ARID1B: variants seen among roughly 807,000 people sequenced by gnomAD.
ARID1B encodes the protein AT-rich interactive domain-containing protein 1B.
A neutral mutation model predicts 212.3 loss-of-function variants in ARID1B; 30 were observed. The observed-to-expected ratio is 0.14, with a 90% confidence interval of 0.11 to 0.19. The LOEUF (loss-of-function observed/expected upper bound fraction) is 0.19, where lower values mean the gene tolerates loss of function less well. ARID1B is among the 10% of genes least tolerant of loss of function. ARID1B has a pLI of 1.00. For missense variants in ARID1B, 2,891 were observed against 3,204.0 expected (o/e 0.90, Z 2.36); for synonymous variants, 1,402 against 1,301.7 (o/e 1.08, Z -1.66).
At chr6:156,919,024 A>G (rs147071011) in intron 3 of ARID1B, among the ~76,000 whole-genome samples, 116 of 152,368 alleles carry the variant, frequency 7.6e-4, no homozygotes, top group African/African-American at 2.7e-3. Context: ...CTTAAAATAA[A>G]AAAAGTAGAA....
rs566840313 is a variant in ARID1B at position 157,111,419 on chromosome 6, C to T, written c.2581+858C>T. 3 of 152,362 alleles carry T rather than the reference C, an allele frequency of 2.0e-5. No individual in the cohort carries two copies. In the South Asian group the frequency reaches 6.2e-4, roughly 32 times the overall value. 9.4% of individuals were successfully genotyped at this position (152,362 alleles called of 1,614,324 possible). On this transcript the variant is annotated intron_variant, in intron 6 of 19. Transcript: ENST00000636930. ...CCTGGTGCGGTGGCAGGTCACTTCC[C>T]TTGCTGTGGGGCAAGGCTTGTCTGC... is the stretch of plus-strand genomic sequence containing the variant.
At chr6:157,145,146 GGTGGT>G (rs1293034121) in intron 7 of ARID1B, among the ~76,000 whole-genome samples, 4 of 152,132 alleles carry the variant, frequency 2.6e-5, no homozygotes, top group Non-Finnish European at 5.9e-5. Flanking sequence ...CAGCCTTCCA[GGTGGT>G]GTTCGGGACT....
chr6:156,847,822 G>A (rs905142122), intron 2 of ARID1B, among the ~76,000 whole-genome samples: 2 of 152,066 alleles, frequency 1.3e-5, no homozygotes, highest in African/African-American at 2.4e-5. Context: ...CTGTAGACCC[G>A]GCTCTCTGCA....
chr6:156,877,074 A>G (rs866374567), intron 2 of ARID1B, among the ~76,000 whole-genome samples: 2 of 152,056 alleles, frequency 1.3e-5, no homozygotes, highest in South Asian at 2.1e-4. Context: ...TTTCTGGCCA[A>G]TATACTCTCA....
chr6:157,120,981 T>C (rs1418760136), intron 6 of ARID1B, among the ~76,000 whole-genome samples: 1 of 152,228 alleles, frequency 6.6e-6, no homozygotes, highest in African/African-American at 2.4e-5. Context: ...GTAGGATGAA[T>C]GGTGACTTGG....
Position 157,166,960 on chromosome 6 carries a change from T to C in ARID1B, c.3090-80T>C. ...TAGCCCCACCCCTTACATAAATGCA[T>C]TAGTAGAAATGACTGCCAGGGCAAA... On this transcript the variant is annotated intron_variant, in intron 8 of 19. Transcript: ENST00000636930. The C allele has an allele frequency of 2.6e-6, 4 of 1,535,752 alleles. No individual in the cohort carries two copies. In the South Asian group the frequency reaches 4.9e-5, roughly 19 times the overall value.
intron 1 of ARID1B, among the ~76,000 whole-genome samples, chr6:156,824,916 G>A (rs1782637218): frequency 6.6e-6 from 1 of 151,270 alleles, no homozygotes; most frequent in African/African-American, 2.4e-5. Context: ...AGGGTGGAGT[G>A]TGCAGTGGCA....
intron 4 of ARID1B, among the ~76,000 whole-genome samples, chr6:157,039,682 CTTCCTTCCTTCCTTCT>C (rs1781650177): frequency 2.6e-5 from 2 of 75,488 alleles, no homozygotes; most frequent in Non-Finnish European, 5.7e-5. Context: ...TCCTTCCTTC[CTTCCTTCCTTCCTTCT>C]TTCTTTCCTT....
chr6:156,889,160 T>C (rs1787739711), intron 2 of ARID1B, among the ~76,000 whole-genome samples: 1 of 152,238 alleles, frequency 6.6e-6, no homozygotes, highest in Admixed American at 6.5e-5. Context: ...TAGGCAACCC[T>C]CCTACCATAC....
At chr6:156,874,452 A>G (rs1467510787) in intron 2 of ARID1B, among the ~76,000 whole-genome samples, 1 of 152,284 alleles carries the variant, frequency 6.6e-6, no homozygotes, top group African/African-American at 2.4e-5. Context: ...ATGCTGTGGG[A>G]ATCTCTCACC....
At chr6:157,186,477 A>G (rs1405369414) in intron 13 of ARID1B, 1 of 471,144 alleles carries the variant, frequency 2.1e-6, no homozygotes. Context: ...TGGGGGTCGC[A>G]GGCAGAGGCA....
chr6:156,916,933 C>G (rs1237927620), intron 3 of ARID1B, among the ~76,000 whole-genome samples: 1 of 152,142 alleles, frequency 6.6e-6, no homozygotes, highest in Non-Finnish European at 1.5e-5. Flanking sequence ...AAGAGAGTTG[C>G]CTGGCCGCAG....
At chr6:156,921,582 T>C (rs1018338462) in intron 3 of ARID1B, among the ~76,000 whole-genome samples, 2 of 152,052 alleles carry the variant, frequency 1.3e-5, no homozygotes, top group African/African-American at 4.8e-5. Context: ...TCGTAGAAGA[T>C]TGGTAAAGTT....
At chr6:156,913,645 A>G (rs1450376452) in intron 3 of ARID1B, among the ~76,000 whole-genome samples, 2 of 149,914 alleles carry the variant, frequency 1.3e-5, no homozygotes, top group African/African-American at 2.5e-5. Flanking sequence ...CTTCCAGCCC[A>G]CCCCAGCCCG....
chr6:157,142,182 A>C (rs1360182852), intron 7 of ARID1B, among the ~76,000 whole-genome samples: 1 of 152,232 alleles, frequency 6.6e-6, no homozygotes, highest in Non-Finnish European at 1.5e-5. Flanking sequence ...AAATCAGATC[A>C]GTGGTTGCCA....
chr6:157,146,252 T>C (rs1003437071), intron 7 of ARID1B, among the ~76,000 whole-genome samples: 2 of 152,352 alleles, frequency 1.3e-5, no homozygotes, highest in African/African-American at 4.8e-5. Flanking sequence ...TTTGATACTT[T>C]ACATCCATTA....
chr6:157,169,824 A>G (rs1791589774), intron 9 of ARID1B: 1 of 152,178 alleles, frequency 6.6e-6, no homozygotes, highest in African/African-American at 2.4e-5. Context: ...ACTGCCACCT[A>G]TAAATAGCAC....
Position 156,777,876 on chromosome 6 carries a change from G to C in ARID1B, c.196G>C (p.Gly66Arg), listed in dbSNP as rs2114955304. Residue 66 changes from glycine to arginine, a missense_variant, in exon 1 of 20, where the codon GGC (glycine) becomes CGC (arginine). Physicochemically the swap from Gly to Arg is moderately radical, Grantham distance 125 (BLOSUM62 -2). Coordinates refer to ENST00000636930, the MANE Select transcript of ARID1B (RefSeq NM_001374828.1). The part of the protein sequence containing the change: ...PMLGGGGDGG[G>R]GLNSVHHHPL... ...GCTGGGGGGCGGCGGCGACGGCGGCGGCGGCCTGAACAGTGTGCACCACCA... is the reference window on the plus strand; with the variant it reads ...GCTGGGGGGCGGCGGCGACGGCGGCCGCGGCCTGAACAGTGTGCACCACCA... The C allele has an allele frequency of 7.4e-7, 1 of 1,350,118 alleles. No homozygotes were observed. The highest frequency in any genetic ancestry group is 9.5e-7 in the Non-Finnish European group (1 of 1,057,774). 83.6% of individuals were successfully genotyped at this position (1,350,118 alleles called of 1,614,324 possible). A position where few individuals can be genotyped will look rare whatever the true frequency, so the allele number is the denominator to read the frequency against.
intron 4 of ARID1B, among the ~76,000 whole-genome samples, chr6:157,031,668 A>C (rs1031328633): frequency 2.0e-5 from 3 of 152,234 alleles, no homozygotes; most frequent in African/African-American, 4.8e-5. Context: ...AATATTCTTC[A>C]TCACAGTTAT....
Sources: gnomAD v4.1 joint callset for allele counts (sites outside exome capture counted in the v4.1 genomes callset) on GRCh38, gnomAD v4.1.1 for gene constraint, MANE v1.5 for transcripts, NCBI Gene and HGNC (gene_info 2026-07-23, HGNC 2026-07-21) for gene names.